LAMC1: variants seen among roughly 807,000 people sequenced by gnomAD.
LAMC1 encodes the protein laminin subunit gamma 1.
A neutral mutation model predicts 173.6 loss-of-function variants in LAMC1; 38 were observed. That is an observed-to-expected ratio of 0.22 (90% confidence interval 0.17 to 0.29). The LOEUF (loss-of-function observed/expected upper bound fraction) is 0.29, where lower values mean the gene tolerates loss of function less well. Ranked by LOEUF, LAMC1 falls within the 10% of genes least tolerant of loss-of-function variation. The pLI is 1.00. For missense variants in LAMC1, 1,824 were observed against 2,051.8 expected (o/e 0.89, Z 2.14); for synonymous variants, 746 against 749.1 (o/e 1.00, Z 0.07).
intron 4 of LAMC1, among the ~76,000 whole-genome samples, chr1:183,113,326 T>A (rs566150758): frequency 6.6e-6 from 1 of 152,158 alleles, no homozygotes; most frequent in East Asian, 1.9e-4. Context: ...CAAATCAAAA[T>A]GTGTTCATGA....
At chr1:183,033,542 C>T (rs1653900131) in intron 1 of LAMC1, among the ~76,000 whole-genome samples, 1 of 152,172 alleles carries the variant, frequency 6.6e-6, no homozygotes, top group African/African-American at 2.4e-5. Flanking sequence ...ATTTAATTTC[C>T]ATGGTGAAAT....
In LAMC1 at chr1:183,023,786, C is replaced by G. The variant is rs1332993525; in HGVS notation, c.70C>G (p.Leu24Val). Reference sequence around the variant, plus strand: ...GCGGCTCTGGCCCGTGCTGGCCGTGCTGGCGGCGGCCGCCGCGGCGGGCTG... The same window carrying G: ...GCGGCTCTGGCCCGTGCTGGCCGTGGTGGCGGCGGCCGCCGCGGCGGGCTG... The part of the protein sequence containing the change: ...RGRLWPVLAV[L>V]AAAAAAGCAQ... The change falls in exon 1 of 28, where the codon CTG becomes GTG. Residue 24 changes from leucine (L) to valine (V), a missense_variant. Coordinates refer to ENST00000258341, the MANE Select transcript of LAMC1 (RefSeq NM_002293.4). 2.7e-6 allele frequency: 4 copies of G among 1,476,492 alleles called. No homozygotes were observed. Among genetic ancestry groups the G allele is most frequent in the Admixed American group, 2.5e-5 (1 of 39,620 alleles). 91.5% of individuals were successfully genotyped at this position (1,476,492 alleles called of 1,614,324 possible). A position where few individuals can be genotyped will look rare whatever the true frequency, so the allele number is the denominator to read the frequency against.
chr1:183,122,937 C>A (rs1007885663), intron 13 of LAMC1, among the ~76,000 whole-genome samples: 3 of 152,156 alleles, frequency 2.0e-5, no homozygotes, highest in Non-Finnish European at 4.4e-5. Flanking sequence ...GGGTATGGAG[C>A]CTATCTCAAG....
intron 1 of LAMC1, among the ~76,000 whole-genome samples, chr1:183,092,690 A>T (rs4652775): frequency 0.47 from 71,508 of 152,000 alleles, 18,305 homozygotes; most frequent in East Asian, 0.6. Context: ...TAGTCTGGAT[A>T]CTTACAGTGA....
intron 5 of LAMC1, among the ~76,000 whole-genome samples, chr1:183,114,937 T>C (rs1257183426): frequency 1.3e-5 from 2 of 152,180 alleles, no homozygotes; most frequent in Non-Finnish European, 2.9e-5. Context: ...AGGGGGGTGG[T>C]GGCCTGAGTA....
At chr1:183,126,070 G>A in intron 15 of LAMC1, 50 bp from the exon 16 acceptor site, 2 of 1,571,372 alleles carry the variant, frequency 1.3e-6, no homozygotes, top group Non-Finnish European at 1.7e-6. Context: ...AAAAAGTTGT[G>A]CTTAAAGTCT....
At chr1:183,028,886 T>C (rs1056485344) in intron 1 of LAMC1, among the ~76,000 whole-genome samples, 1 of 152,260 alleles carries the variant, frequency 6.6e-6, no homozygotes, top group Admixed American at 6.5e-5. Context: ...GTCAGCTCTT[T>C]TTCCAGATCT....
rs202103471 is a variant in LAMC1 at position 183,128,668 on chromosome 1, G to A, written c.3198G>A (p.Val1066=). The change falls in exon 18 of 28, where the codon GTG becomes GTA. Residue 1066 remains valine, a synonymous_variant. Transcript: ENST00000258341. ...IANLGTGDEM[V]TDQAFEDRLK... is the part of the protein sequence containing the mutation. The stretch of plus-strand genomic sequence containing the variant: ...ACCTTGGAACTGGGGATGAGATGGT[G>A]ACAGATCAAGCCTTCGAGGATAGAC... 2.7e-5 allele frequency: 43 copies of A among 1,613,794 alleles called. No individual in the cohort carries two copies. The African/African-American group carries it at 4.7e-4, about 18-fold the overall frequency.
rs978872238 is a variant in LAMC1 at position 183,061,912 on chromosome 1, A to G, written c.418+37778A>G. On this transcript the variant is annotated intron_variant, in intron 1 of 27. Coordinates refer to ENST00000258341, the MANE Select transcript of LAMC1 (RefSeq NM_002293.4). The stretch of plus-strand genomic sequence containing the variant: ...AGTAAGGCAATTAAGACTTTGGGCA[A>G]TTAAATTCTCACTGTACGTCATTGG... Among the ~76,000 whole-genome samples the G allele has an allele frequency of 5.9e-5, 9 of 152,212 alleles. No individual in the cohort carries two copies. The South Asian group carries it at 1.2e-3, about 21-fold the overall frequency.
At position 183,060,408 on chromosome 1, in the gene LAMC1, A is replaced by AT. The variant is rs1571415087; in HGVS notation, c.418+36274_418+36275insT. Among the ~76,000 whole-genome samples, 3 of 151,362 alleles carry AT rather than the reference A, an allele frequency of 2.0e-5. No individual in the cohort carries two copies. In the East Asian group the frequency reaches 5.8e-4, roughly 29 times the overall value. ...TCTCAAAAAAGAAAAAAAAAAAAAA[A>AT]GCAATTACCCCTTTACCCTGTCCCT... is the stretch of plus-strand genomic sequence containing the variant. On this transcript the variant is annotated intron_variant, in intron 1 of 27. Transcript: ENST00000258341.
intron 18 of LAMC1, among the ~76,000 whole-genome samples, chr1:183,129,219 G>T (rs1656714312): frequency 6.7e-6 from 1 of 148,428 alleles, no homozygotes; most frequent in African/African-American, 2.5e-5. Flanking sequence ...CCAAGTACCT[G>T]GGACTACAGG....
chr1:183,079,673 TG>T (rs1655218579), intron 1 of LAMC1, among the ~76,000 whole-genome samples: 2 of 152,320 alleles, frequency 1.3e-5, no homozygotes, highest in African/African-American at 2.4e-5. Flanking sequence ...TAGCTTTCAT[TG>T]AAATTTTACA....
intron 1 of LAMC1, among the ~76,000 whole-genome samples, chr1:183,059,134 G>C (rs574223097): frequency 3.7e-4 from 57 of 152,286 alleles, no homozygotes; most frequent in African/African-American, 1.2e-3. Context: ...GTGGCCTCTA[G>C]CTCAGGTCTT....
chr1:183,038,165 A>G (rs561551408), intron 1 of LAMC1, among the ~76,000 whole-genome samples: 3 of 151,894 alleles, frequency 2.0e-5, no homozygotes, highest in African/African-American at 7.2e-5. Context: ...CCTCCTGAGT[A>G]GCTGGGACTA....
At chr1:183,088,797 G>C (rs1440185479) in intron 1 of LAMC1, among the ~76,000 whole-genome samples, 1 of 152,210 alleles carries the variant, frequency 6.6e-6, no homozygotes, top group African/African-American at 2.4e-5. Flanking sequence ...GGCTTGGAAG[G>C]GGTGAAGACT....
chr1:183,081,139 G>T (rs969438718), intron 1 of LAMC1, among the ~76,000 whole-genome samples: 2 of 151,778 alleles, frequency 1.3e-5, no homozygotes, highest in African/African-American at 4.8e-5. Flanking sequence ...CGCCTGCATC[G>T]GCCTCCCAAA....
intron 1 of LAMC1, among the ~76,000 whole-genome samples, chr1:183,038,395 T>A (rs1253474024): frequency 1.3e-5 from 2 of 152,222 alleles, no homozygotes; most frequent in East Asian, 3.8e-4. Flanking sequence ...CACCCTGTGC[T>A]ACACCGGAGG....
At chr1:183,035,133 G>T (rs376706062) in intron 1 of LAMC1, among the ~76,000 whole-genome samples, 1 of 152,130 alleles carries the variant, frequency 6.6e-6, no homozygotes, top group Non-Finnish European at 1.5e-5. Context: ...TCTGGATTTC[G>T]ACTGCTTCTG....
At chr1:183,045,122 G>T (rs1178858360) in intron 1 of LAMC1, among the ~76,000 whole-genome samples, 1 of 140,398 alleles carries the variant, frequency 7.1e-6, no homozygotes, top group Non-Finnish European at 1.6e-5. Flanking sequence ...TTCTCAGTAG[G>T]TTTTTTTTTT....
Sources: allele counts gnomAD v4.1 joint callset (sites outside exome capture counted in the v4.1 genomes callset), GRCh38; gene constraint gnomAD v4.1.1; transcripts MANE v1.5; gene names NCBI Gene and HGNC (gene_info 2026-07-23, HGNC 2026-07-21).